TTC7B: variants seen among roughly 807,000 people sequenced by gnomAD.
TTC7B encodes the protein tetratricopeptide repeat domain 7B, also known as tetratricopeptide repeat protein 7B.
TTC7B carries 28 observed loss-of-function variants against 106.8 expected under a neutral mutation model. The observed-to-expected ratio is 0.26, with a 90% CI of 0.19 to 0.36. The LOEUF (loss-of-function observed/expected upper bound fraction) is 0.36, where lower values mean the gene tolerates loss of function less well. Ranked by LOEUF, TTC7B falls within the 10% of genes least tolerant of loss-of-function variation. The pLI is 1.00. For synonymous variants in TTC7B, 405 were observed against 430.6 expected (o/e 0.94, Z 0.74); for missense variants, 862 against 1,076.4 (o/e 0.80, Z 2.79).
Position 90,802,552 on chromosome 14 carries a change from A to C in TTC7B, c.121+13623T>G, listed in dbSNP as rs2140057891. On this transcript the variant is annotated intron_variant, in intron 1 of 19. Transcript: ENST00000328459. The surrounding 1 kb of genome is among the most constrained non-coding windows in gnomAD (Gnocchi z 4.7). ...GTTTCCTAATTGCTTTTATTTCCTC[A>C]GTAAAGTATGAGGCAAGGTCATGAG... Among the ~76,000 whole-genome samples the C allele has an allele frequency of 6.6e-6, 1 of 152,262 alleles. No homozygotes were observed. The highest frequency in any genetic ancestry group is 2.4e-5 in the African/African-American group (1 of 41,546).
In TTC7B at chr14:90,628,561, T is replaced by C. The variant is rs980872964; in HGVS notation, c.1752-10516A>G. Among the ~76,000 whole-genome samples, 56 of 152,044 alleles carry C rather than the reference T, an allele frequency of 3.7e-4. 1 individual carries two copies. The highest frequency in any genetic ancestry group is 1.1e-3 in the African/African-American group (47 of 41,464). ...AAGGGGAAGGGCCTGGGCCACAGTG[T>C]GATATGGACTTGATCCATGAAGCTC... On this transcript the variant is annotated intron_variant, in intron 15 of 19. Transcript: ENST00000328459.
intron 5 of TTC7B, among the ~76,000 whole-genome samples, chr14:90,721,794 C>T (rs937041918): frequency 1.3e-5 from 2 of 152,104 alleles, no homozygotes; most frequent in Admixed American, 1.3e-4. Flanking sequence ...CCCAATGATA[C>T]ATAAACTCCA....
intron 5 of TTC7B, among the ~76,000 whole-genome samples, chr14:90,712,806 A>G (rs554409054): frequency 6.6e-6 from 1 of 152,236 alleles, no homozygotes; most frequent in African/African-American, 2.4e-5. Context: ...AAAGCCTGAA[A>G]ATAGCCAAAA....
intron 17 of TTC7B, chr14:90,605,792 CA>C (rs368830022): frequency 1.4e-3 from 1,518 of 1,052,660 alleles, no homozygotes; most frequent in South Asian, 4.7e-3. Flanking sequence ...AGGGTGAAGG[CA>C]AAAAAAAAAC....
Position 90,658,401 on chromosome 14 carries a change from A to G in TTC7B, c.1153-14T>C, listed in dbSNP as rs2139900653. On this transcript the variant is annotated splice_polypyrimidine_tract_variant and intron_variant, in intron 9 of 19. Coordinates refer to ENST00000328459, the MANE Select transcript of TTC7B (RefSeq NM_001010854.2). ...TCTTTCTAGGCACTGGTTGGGAAAG[A>G]AAAACAAATGCAGACATCTGAGAAT... 6.2e-7 allele frequency: 1 copy of G among 1,612,512 alleles called. No homozygotes were observed. The highest frequency in any genetic ancestry group is 2.2e-5 in the East Asian group (1 of 44,880).
At chr14:90,714,976 G>A (rs2139971587) in intron 5 of TTC7B, among the ~76,000 whole-genome samples, 1 of 152,042 alleles carries the variant, frequency 6.6e-6, no homozygotes, top group South Asian at 2.1e-4. Flanking sequence ...TTCTCTTGTA[G>A]CAGGGCCCAG....
At chr14:90,571,608 A>T (rs1350636626) in intron 19 of TTC7B, among the ~76,000 whole-genome samples, 1 of 152,250 alleles carries the variant, frequency 6.6e-6, no homozygotes, top group Non-Finnish European at 1.5e-5. Context: ...TCACTGGACT[A>T]TCATGAAGTT....
intron 9 of TTC7B, among the ~76,000 whole-genome samples, chr14:90,659,995 G>C (rs538157682): frequency 1.3e-5 from 2 of 152,192 alleles, no homozygotes; most frequent in South Asian, 4.1e-4. Flanking sequence ...AGGAGAGAAT[G>C]GCAGGTGGTG....
At chr14:90,547,708 G>T (rs1159371931) in intron 19 of TTC7B, among the ~76,000 whole-genome samples, 1 of 152,146 alleles carries the variant, frequency 6.6e-6, no homozygotes, top group Non-Finnish European at 1.5e-5. Context: ...GAGGTGGGAG[G>T]ATTGCTTGAG....
chr14:90,793,610 T>A (rs1891664045), intron 1 of TTC7B, among the ~76,000 whole-genome samples: 1 of 109,572 alleles, frequency 9.1e-6, no homozygotes, highest in African/African-American at 2.6e-5. Context: ...TTTTTCTTTT[T>A]TTCTTTTTTT....
chr14:90,558,736 C>A (rs571541508), intron 19 of TTC7B, among the ~76,000 whole-genome samples: 2 of 152,208 alleles, frequency 1.3e-5, no homozygotes, highest in Admixed American at 6.5e-5. Flanking sequence ...CACTGCAGGG[C>A]GATTCTAGTG....
chr14:90,560,474 G>A (rs969240993), intron 19 of TTC7B, among the ~76,000 whole-genome samples: 14 of 152,234 alleles, frequency 9.2e-5, no homozygotes, highest in Non-Finnish European at 1.6e-4. Context: ...GCACACTGTC[G>A]TCTTGATGGT....
intron 5 of TTC7B, among the ~76,000 whole-genome samples, chr14:90,721,073 C>G (rs1888876841): frequency 6.6e-6 from 1 of 152,088 alleles, no homozygotes; most frequent in Admixed American, 6.5e-5. Flanking sequence ...GGAACTGTAG[C>G]CTGCCTTCCA....
chr14:90,801,798 G>A (rs1388846791), intron 1 of TTC7B, among the ~76,000 whole-genome samples: 1 of 152,012 alleles, frequency 6.6e-6, no homozygotes, highest in African/African-American at 2.4e-5. Flanking sequence ...GCTCACGCCT[G>A]TAATCCCAGC....
At position 90,816,165 on chromosome 14, in the gene TTC7B, C is replaced by T; in HGVS notation, c.121+10G>A. On this transcript the variant is annotated intron_variant, in intron 1 of 19. Transcript: ENST00000328459. ...CCCCCGCAGCCCAGGCCGGCGCGCCCGGAGCGTACCGTTGGCGATGAGCTT... is the reference window on the plus strand; with the variant it reads ...CCCCCGCAGCCCAGGCCGGCGCGCCTGGAGCGTACCGTTGGCGATGAGCTT... 6 of 1,230,842 alleles carry T rather than the reference C, an allele frequency of 4.9e-6. No individual in the cohort carries two copies. Among genetic ancestry groups the T allele is most frequent in the Non-Finnish European group, 6.3e-6 (6 of 954,972 alleles). The allele number at this position is 1,230,842 out of a possible 1,614,324, so 76.2% of individuals were successfully genotyped here.
chr14:90,576,610 A>G (rs989878369), intron 19 of TTC7B, among the ~76,000 whole-genome samples: 2 of 152,200 alleles, frequency 1.3e-5, no homozygotes, highest in African/African-American at 4.8e-5. Context: ...GTAGGAGCCC[A>G]ATTCACCTAA....
intron 18 of TTC7B, chr14:90,585,583 C>T (rs527308970): frequency 6.6e-6 from 1 of 152,534 alleles, no homozygotes; most frequent in East Asian, 1.9e-4. Context: ...CACATCCCCC[C>T]TCTCTTTTGG....
intron 15 of TTC7B, among the ~76,000 whole-genome samples, chr14:90,621,216 T>C (rs1017170509): frequency 3.4e-5 from 5 of 146,026 alleles, no homozygotes; most frequent in Non-Finnish European, 7.5e-5. Flanking sequence ...GCTGGGACGA[T>C]GGGCAGAAGC....
chr14:90,633,465 C>T (rs369539522), intron 15 of TTC7B, among the ~76,000 whole-genome samples: 1 of 152,330 alleles, frequency 6.6e-6, no homozygotes, highest in South Asian at 2.1e-4. Context: ...CTTTCAGTAA[C>T]ACTGAAGTTC....
Sources: gnomAD v4.1 joint callset for allele counts (sites outside exome capture counted in the v4.1 genomes callset) on GRCh38, gnomAD v4.1.1 for gene constraint, Gnocchi (gnomAD v3.1) non-coding constraint, MANE v1.5 for transcripts, NCBI Gene and HGNC (gene_info 2026-07-23, HGNC 2026-07-21) for gene names.